The following CPED1 variants were observed in gnomAD, a reference collection of about 807,000 sequenced individuals.
CPED1 encodes cadherin-like and PC-esterase domain-containing protein 1.
Under a neutral mutation model 128.2 loss-of-function variants are expected in CPED1, and 114 were observed. The ratio of observed to expected loss-of-function variants is 0.89; its 90% CI spans 0.76 to 1.04. The LOEUF (loss-of-function observed/expected upper bound fraction) is 1.04, where lower values mean the gene tolerates loss of function less well. Among genes scored for constraint, CPED1 ranks in the 50% least tolerant of loss-of-function variants. The pLI is 0.00. For missense variants in CPED1, 1,211 were observed against 1,207.1 expected (o/e 1.00, Z -0.05); for synonymous variants, 462 against 426.7 (o/e 1.08, Z -1.02).
At chr7:121,080,577 T>C (rs540096003) in intron 5 of CPED1, among the ~76,000 whole-genome samples, 2 of 152,202 alleles carry the variant, frequency 1.3e-5, no homozygotes, top group Admixed American at 6.5e-5. Context: ...GTTCCAGGAG[T>C]TCGCTGCTGA....
At chr7:121,202,835 T>C (rs956003116) in intron 16 of CPED1, among the ~76,000 whole-genome samples, 37 of 152,118 alleles carry the variant, frequency 2.4e-4, no homozygotes, top group African/African-American at 8.7e-4. Context: ...ATAGGAAAGA[T>C]GTTAAGTAGC....
chr7:121,116,759 C>T (rs75791437), intron 7 of CPED1, among the ~76,000 whole-genome samples: 117 of 152,012 alleles, frequency 7.7e-4, no homozygotes, highest in Non-Finnish European at 1.3e-3. Flanking sequence ...GCTGTATAAC[C>T]TTAGGCGTGT....
At chr7:121,243,488 T>C (rs1483104290) in intron 17 of CPED1, among the ~76,000 whole-genome samples, 1 of 152,222 alleles carries the variant, frequency 6.6e-6, no homozygotes, top group Non-Finnish European at 1.5e-5. Flanking sequence ...TTGCTAAAGC[T>C]TGGGACCTAC....
intron 16 of CPED1, among the ~76,000 whole-genome samples, chr7:121,205,299 T>C (rs1797494075): frequency 6.6e-6 from 1 of 152,078 alleles, no homozygotes; most frequent in Non-Finnish European, 1.5e-5. Context: ...ATCCCACTCA[T>C]CTGTCAATGA....
At chr7:121,001,970 C>A (rs936366858) in intron 2 of CPED1, among the ~76,000 whole-genome samples, 1 of 150,168 alleles carries the variant, frequency 6.7e-6, no homozygotes, top group Non-Finnish European at 1.5e-5. Flanking sequence ...GCATTTGGTG[C>A]CTCTTGGGAA....
At chr7:121,053,251 C>CT (rs918637043) in intron 4 of CPED1, among the ~76,000 whole-genome samples, 1 of 152,164 alleles carries the variant, frequency 6.6e-6, no homozygotes, top group African/African-American at 2.4e-5. Flanking sequence ...CTCTAGGAAC[C>CT]TATCTACTAC....
At chr7:121,228,715 C>T (rs1451305114) in intron 16 of CPED1, among the ~76,000 whole-genome samples, 1 of 151,822 alleles carries the variant, frequency 6.6e-6, no homozygotes, top group African/African-American at 2.4e-5. Context: ...GCACTATTCA[C>T]AATAGCAAAG....
intron 7 of CPED1, among the ~76,000 whole-genome samples, chr7:121,107,456 A>G (rs1795005460): frequency 1.3e-5 from 2 of 152,128 alleles, no homozygotes; most frequent in South Asian, 2.1e-4. Context: ...TAGGAAACAA[A>G]TCTTCAGTGC....
intron 5 of CPED1, among the ~76,000 whole-genome samples, chr7:121,080,018 C>G (rs571656934): frequency 6.6e-6 from 1 of 152,154 alleles, no homozygotes. Flanking sequence ...CCAGCAGGCC[C>G]GTTTACTCAC....
chr7:121,060,790 G>C (rs1004019765), intron 4 of CPED1, among the ~76,000 whole-genome samples: 2 of 152,198 alleles, frequency 1.3e-5, no homozygotes, highest in African/African-American at 4.8e-5. Context: ...AACCCGCTCC[G>C]GTCCCTTTTC....
At chr7:121,214,060 G>T (rs987854674) in intron 16 of CPED1, among the ~76,000 whole-genome samples, 1 of 151,902 alleles carries the variant, frequency 6.6e-6, no homozygotes, top group Non-Finnish European at 1.5e-5. Flanking sequence ...AAGAGTGAAG[G>T]TCAGTTATTT....
chr7:121,146,446 C>A (rs762844959), intron 16 of CPED1, among the ~76,000 whole-genome samples: 2 of 152,046 alleles, frequency 1.3e-5, no homozygotes, highest in Non-Finnish European at 2.9e-5. Context: ...ACTTAAAAGG[C>A]CATCCACTTC....
chr7:121,077,368 T>G (rs1306329317), intron 5 of CPED1, among the ~76,000 whole-genome samples: 1 of 151,910 alleles, frequency 6.6e-6, no homozygotes, highest in African/African-American at 2.4e-5. Context: ...TTTGCTTTTA[T>G]TATGTCTTTA....
At chr7:121,221,714 GTGA>G (rs1381789962) in intron 16 of CPED1, among the ~76,000 whole-genome samples, 10 of 152,354 alleles carry the variant, frequency 6.6e-5, no homozygotes, top group Non-Finnish European at 1.2e-4. Context: ...CTGATAACCA[GTGA>G]TGATGAGCAT....
At chr7:121,079,111 T>A (rs1471924399) in intron 5 of CPED1, among the ~76,000 whole-genome samples, 2 of 152,212 alleles carry the variant, frequency 1.3e-5, no homozygotes, top group Non-Finnish European at 2.9e-5. Context: ...TTAAAGGCCC[T>A]ATCTTCACAT....
chr7:121,189,231 G>T (rs1563059186), intron 16 of CPED1, among the ~76,000 whole-genome samples: 2 of 152,132 alleles, frequency 1.3e-5, no homozygotes, highest in Non-Finnish European at 2.9e-5. Context: ...CAATGAAGGT[G>T]TATTAATCCA....
chr7:121,167,713 C>A (rs978082663), intron 16 of CPED1, among the ~76,000 whole-genome samples: 1 of 143,340 alleles, frequency 7.0e-6, no homozygotes, highest in African/African-American at 2.5e-5. Flanking sequence ...TTTAGTTTAC[C>A]TTTTAAAGTC....
intron 7 of CPED1, among the ~76,000 whole-genome samples, chr7:121,116,941 ACTCTCTCTCT>A (rs200040453): frequency 4.6e-5 from 6 of 129,482 alleles, no homozygotes; most frequent in East Asian, 2.2e-4. Context: ...CAACATAGAA[ACTCTCTCTCT>A]CTCTCTCTCT....
intron 16 of CPED1, among the ~76,000 whole-genome samples, chr7:121,148,933 G>A (rs1186548059): frequency 1.3e-5 from 2 of 152,122 alleles, no homozygotes; most frequent in African/African-American, 2.4e-5. Context: ...AATATCACAT[G>A]CTGTATGCAC....
Sources: allele counts gnomAD v4.1 joint callset (sites outside exome capture counted in the v4.1 genomes callset), GRCh38; gene constraint gnomAD v4.1.1; transcripts MANE v1.5; gene names NCBI Gene and HGNC (gene_info 2026-07-23, HGNC 2026-07-21).